HOMER2: variants seen among roughly 807,000 people sequenced by gnomAD.
The protein encoded by HOMER2 is homer scaffold protein 2.
Under a neutral mutation model 47.0 loss-of-function variants are expected in HOMER2, and 27 were observed. That is an observed-to-expected ratio of 0.57 (90% CI 0.42 to 0.79). The LOEUF (loss-of-function observed/expected upper bound fraction) is 0.79, where lower values mean the gene tolerates loss of function less well. Among genes scored for constraint, HOMER2 ranks in the 30% least tolerant of loss-of-function variants. The probability of loss-of-function intolerance (pLI) is 0.00; values close to 1 mark genes in which losing one functional copy is unlikely to be tolerated. For missense variants in HOMER2, 443 were observed against 435.0 expected, an observed-to-expected ratio of 1.02 and a Z score of -0.16; for synonymous variants, 161 against 163.8, an observed-to-expected ratio of 0.98 and a Z score of 0.13.
At chr15:82,965,573 T>A (rs2054666495) in intron 1 of HOMER2, among the ~76,000 whole-genome samples, 2 of 152,098 alleles carry the variant, frequency 1.3e-5, no homozygotes, top group African/African-American at 4.8e-5. Context: ...GTTGTCTGGA[T>A]TTGTATTTGG....
chr15:82,882,082 A>C (rs1181429982), intron 2 of HOMER2, among the ~76,000 whole-genome samples: 5 of 151,964 alleles, frequency 3.3e-5, no homozygotes, highest in Non-Finnish European at 7.4e-5. Flanking sequence ...CTGCCTAAAA[A>C]CTCACCATAA....
rs1470098894 is a variant in HOMER2 at position 82,875,416 on chromosome 15, C to G, written c.163-12G>C. On this transcript the variant is annotated splice_polypyrimidine_tract_variant and intron_variant, in intron 2 of 8. Transcript: ENST00000450735. ...CTGTTTATGATCACCTGCAGAAAAA[C>G]AGCCCAAAGAGTGAAAATTTAAATG... 6.2e-7 allele frequency: 1 copy of G among 1,613,530 alleles called. No homozygotes were observed. The highest frequency in any genetic ancestry group is 1.1e-5 in the South Asian group (1 of 91,002).
At chr15:82,958,996 C>T (rs1156617753) in exon 2 of HOMER2, 2 of 152,456 alleles carry the variant, frequency 1.3e-5, no homozygotes, top group Non-Finnish European at 2.9e-5. Context: ...GGTGTCTCCT[C>T]CACTAGACTA....
intron 8 of HOMER2, among the ~76,000 whole-genome samples, chr15:82,850,853 G>C (rs1041413223): frequency 1.3e-5 from 2 of 152,028 alleles, no homozygotes; most frequent in Non-Finnish European, 2.9e-5. Flanking sequence ...CTCTCAGGCC[G>C]CCCCCCCGCT....
chr15:82,835,142 T>TG (rs1468998297), downstream of HOMER2: 1 of 151,704 alleles, frequency 6.6e-6, no homozygotes, highest in Non-Finnish European at 1.5e-5. Context: ...TGTTTTTTTT[T>TG]TTGAGACAGA....
At chr15:82,852,910 G>T (rs1319002108) in intron 6 of HOMER2, 1 of 152,542 alleles carries the variant, frequency 6.6e-6, no homozygotes, top group Non-Finnish European at 1.5e-5. Context: ...ACAGTTACCT[G>T]TGTGGAACAG....
chr15:82,864,952 G>C (rs2051917958), intron 3 of HOMER2, among the ~76,000 whole-genome samples: 1 of 152,254 alleles, frequency 6.6e-6, no homozygotes, highest in Non-Finnish European at 1.5e-5. Flanking sequence ...TATGGTTGCA[G>C]ACAAAACAAA....
chr15:82,848,087 G>A (rs2051278250), downstream of HOMER2, among the ~76,000 whole-genome samples: 1 of 152,158 alleles, frequency 6.6e-6, no homozygotes, highest in Admixed American at 6.5e-5. Flanking sequence ...TGCTCCAGAT[G>A]CCCAGCCTTC....
At chr15:82,855,943 C>T (rs925878132) in intron 5 of HOMER2, among the ~76,000 whole-genome samples, 13 of 152,202 alleles carry the variant, frequency 8.5e-5, no homozygotes, top group African/African-American at 2.9e-4. Flanking sequence ...CAGGGCAGAG[C>T]TGCACGTGAC....
chr15:82,980,539 T>C (rs1334357521), intron 1 of HOMER2, among the ~76,000 whole-genome samples: 1 of 152,208 alleles, frequency 6.6e-6, no homozygotes, highest in African/African-American at 2.4e-5. Context: ...TTGTGCTTCC[T>C]ATCTCCAGGA....
intron 7 of HOMER2, 50 bp downstream of exon 7, chr15:82,852,092 G>A (rs367770689): frequency 6.3e-5 from 86 of 1,357,748 alleles, no homozygotes; most frequent in Non-Finnish European, 7.4e-5. Context: ...GTGCCACCCC[G>A]CAAGGCCAAG....
intron 1 of HOMER2, among the ~76,000 whole-genome samples, chr15:82,945,046 C>A (rs1290197031): frequency 6.6e-6 from 1 of 152,190 alleles, no homozygotes; most frequent in South Asian, 2.1e-4. Context: ...TTAGCAACAA[C>A]GATGAATCCT....
intron 7 of HOMER2, 52 bp from the exon 8 acceptor site, chr15:82,851,283 A>G (rs2051386022): frequency 3.9e-6 from 5 of 1,280,082 alleles, no homozygotes; most frequent in Non-Finnish European, 4.4e-6. Context: ...GATAAAATAT[A>G]TTCTTGAAAA....
chr15:82,977,363 A>C (rs2030241220), intron 1 of HOMER2, among the ~76,000 whole-genome samples: 1 of 152,146 alleles, frequency 6.6e-6, no homozygotes, highest in South Asian at 2.1e-4. Context: ...CAGTTTTGTT[A>C]ATTTTCCAGT....
chr15:82,952,819 G>A (rs997588256), upstream of HOMER2: 2 of 598,276 alleles, frequency 3.3e-6, no homozygotes, highest in South Asian at 7.8e-5. Context: ...CGTGGCCCCC[G>A]GGCCGCGGCA....
At chr15:82,867,811 G>A (rs74028602) in intron 3 of HOMER2, among the ~76,000 whole-genome samples, 5,787 of 152,162 alleles carry the variant, frequency 0.038, 342 homozygotes, top group African/African-American at 0.13. Context: ...AGAATATGGG[G>A]GGAAAAAAGG....
chr15:82,895,279 C>G (rs371759500), intron 1 of HOMER2, among the ~76,000 whole-genome samples: 1 of 152,056 alleles, frequency 6.6e-6, no homozygotes, highest in East Asian at 1.9e-4. Context: ...CCCACACACT[C>G]GATGCTAAAC....
At chr15:82,865,314 C>T (rs997477356) in intron 3 of HOMER2, among the ~76,000 whole-genome samples, 15 of 152,190 alleles carry the variant, frequency 9.9e-5, no homozygotes, top group African/African-American at 3.6e-4. Flanking sequence ...TTTTGGGGAC[C>T]TCTTAAGGAA....
rs201320170 is a variant in HOMER2, at chr15:82,892,711, G to A, written c.136C>T (p.Arg46Trp). 6.9e-6 allele frequency: 11 copies of A among 1,598,684 alleles called. No homozygotes were observed. Among genetic ancestry groups the A allele is most frequent in the Non-Finnish European group, 9.4e-6 (11 of 1,169,160 alleles). ...TTGGCTCCGTCCACACTGATGATCC[G>A]ATAGCTGTTCCTTGTGACATCATAG... ...YFYDVTRNSY[R>W]IISVDGAKVI... Residue 46 changes from arginine to tryptophan, a missense_variant, in exon 2 of 9, where the codon CGG (arginine) becomes TGG (tryptophan). By Grantham distance (101) the Arg-to-Trp change is moderately radical. Transcript: ENST00000450735.
Sources: allele counts gnomAD v4.1 joint callset (sites outside exome capture counted in the v4.1 genomes callset), GRCh38; gene constraint gnomAD v4.1.1; transcripts MANE v1.5; gene names NCBI Gene and HGNC (gene_info 2026-07-23, HGNC 2026-07-21).